ASTN2: variants seen among roughly 807,000 people sequenced by gnomAD.
The protein encoded by ASTN2 is astrotactin-2.
Under a neutral mutation model 139.8 loss-of-function variants are expected in ASTN2, and 54 were observed. The observed-to-expected ratio is 0.39, with a 90% confidence interval of 0.31 to 0.48. The LOEUF (loss-of-function observed/expected upper bound fraction) is 0.48. Among genes scored for constraint, ASTN2 ranks in the 20% least tolerant of loss-of-function variants. The pLI is 0.95. For missense variants in ASTN2, 1,565 were observed against 1,725.1 expected (o/e 0.91, Z 1.64); for synonymous variants, 756 against 719.5 (o/e 1.05, Z -0.81).
intron 2 of ASTN2, among the ~76,000 whole-genome samples, chr9:117,228,970 C>A (rs1318971094): frequency 6.6e-6 from 1 of 152,036 alleles, no homozygotes; most frequent in African/African-American, 2.4e-5. Flanking sequence ...TGCCACTGCA[C>A]TCCAGCCTGG....
chr9:117,037,294 A>G (rs766243427), intron 6 of ASTN2, among the ~76,000 whole-genome samples: 16 of 151,448 alleles, frequency 1.1e-4, no homozygotes, highest in Non-Finnish European at 1.9e-4. Flanking sequence ...TATCCTTCCA[A>G]ATCATCAAGA....
chr9:117,337,621 G>A (rs1828927544), intron 1 of ASTN2, among the ~76,000 whole-genome samples: 1 of 152,122 alleles, frequency 6.6e-6, no homozygotes, highest in Non-Finnish European at 1.5e-5. Context: ...CTGTGCATTT[G>A]TATAACTTCA....
At chr9:117,166,613 T>C (rs1023272724) in intron 3 of ASTN2, among the ~76,000 whole-genome samples, 1 of 152,068 alleles carries the variant, frequency 6.6e-6, no homozygotes, top group African/African-American at 2.4e-5. Flanking sequence ...CTTCAAATAC[T>C]TCCTATTCCT....
chr9:117,365,681 A>G (rs538241571), intron 1 of ASTN2, among the ~76,000 whole-genome samples: 1 of 152,320 alleles, frequency 6.6e-6, no homozygotes, highest in East Asian at 1.9e-4. Flanking sequence ...CATAAAGGAG[A>G]GGAATCAGAA....
chr9:117,361,169 A>T (rs547942253), intron 1 of ASTN2, among the ~76,000 whole-genome samples: 120 of 152,302 alleles, frequency 7.9e-4, no homozygotes, highest in Middle Eastern at 6.8e-3. Context: ...AACATTTTTT[A>T]AAAAACAGCC....
intron 2 of ASTN2, among the ~76,000 whole-genome samples, chr9:117,271,466 T>C (rs1220644156): frequency 6.6e-6 from 1 of 152,164 alleles, no homozygotes; most frequent in Non-Finnish European, 1.5e-5. Flanking sequence ...CCAAATCTCA[T>C]GTCCTTACAT....
intron 20 of ASTN2, among the ~76,000 whole-genome samples, chr9:116,461,463 T>G (rs372054854): frequency 7.2e-5 from 11 of 152,276 alleles, no homozygotes; most frequent in African/African-American, 2.4e-4. Context: ...CTTGTTTATA[T>G]GTACACACAT....
chr9:117,365,291 TAGAAAGAAAAAGAA>T (rs1305074670), intron 1 of ASTN2, among the ~76,000 whole-genome samples: 68 of 101,196 alleles, frequency 6.7e-4, no homozygotes, highest in South Asian at 2.8e-3. Flanking sequence ...AAGAAAGAAA[TAGAAAGAAAAAGAA>T]AGAAAGAAAA....
At chr9:116,542,611 T>C (rs7024521) in intron 19 of ASTN2, among the ~76,000 whole-genome samples, 2 of 152,168 alleles carry the variant, frequency 1.3e-5, no homozygotes, top group Non-Finnish European at 2.9e-5. Context: ...GTCCCATCCA[T>C]CAAAATGTTG....
intron 16 of ASTN2, among the ~76,000 whole-genome samples, chr9:116,685,619 T>A (rs1251581405): frequency 2.0e-5 from 3 of 152,220 alleles, no homozygotes; most frequent in Non-Finnish European, 4.4e-5. Context: ...GGAATTCTAA[T>A]ATTGTGCCAG....
At chr9:116,558,213 G>A (rs914332363) in intron 19 of ASTN2, among the ~76,000 whole-genome samples, 2 of 152,120 alleles carry the variant, frequency 1.3e-5, no homozygotes, top group African/African-American at 4.8e-5. Context: ...ACAAGCTGGA[G>A]ACTTTCAGAT....
intron 10 of ASTN2, among the ~76,000 whole-genome samples, chr9:116,879,226 C>T (rs1450093757): frequency 6.6e-6 from 1 of 152,124 alleles, no homozygotes; most frequent in Non-Finnish European, 1.5e-5. Context: ...TCTCTAAGGG[C>T]TCTTCCAGCT....
intron 3 of ASTN2, among the ~76,000 whole-genome samples, chr9:117,189,121 C>T (rs535898700): frequency 4.6e-5 from 7 of 152,132 alleles, no homozygotes; most frequent in African/African-American, 1.7e-4. Context: ...TAAAAGGACA[C>T]AAAAAAGGTG....
At chr9:117,350,270 C>T (rs919902125) in intron 1 of ASTN2, among the ~76,000 whole-genome samples, 10 of 152,266 alleles carry the variant, frequency 6.6e-5, no homozygotes, top group South Asian at 2.1e-4. Context: ...AAAAACAAGG[C>T]TGGCACAGTG....
chr9:116,660,669 T>TG (rs1233097172), intron 16 of ASTN2, among the ~76,000 whole-genome samples: 2 of 152,168 alleles, frequency 1.3e-5, no homozygotes, highest in Admixed American at 1.3e-4. Flanking sequence ...GAAACCTGCC[T>TG]GATGCTTTAA....
chr9:117,015,711 T>G (rs1837654832), intron 6 of ASTN2, among the ~76,000 whole-genome samples: 1 of 152,178 alleles, frequency 6.6e-6, no homozygotes, highest in South Asian at 2.1e-4. Flanking sequence ...GCTGAGATGT[T>G]CCAGTGGTTA....
chr9:117,259,299 A>C (rs1371107675), intron 2 of ASTN2, among the ~76,000 whole-genome samples: 1 of 152,162 alleles, frequency 6.6e-6, no homozygotes, highest in Non-Finnish European at 1.5e-5. Flanking sequence ...CCAATGTATA[A>C]GCCAAAAATA....
chr9:116,951,828 T>TA (rs150268838), intron 10 of ASTN2, among the ~76,000 whole-genome samples: 7,335 of 152,268 alleles, frequency 0.048, 580 homozygotes, highest in African/African-American at 0.16. Context: ...CATTGCATTT[T>TA]AAAAAATCCC....
chr9:116,766,138 G>C (rs1353592909), intron 13 of ASTN2, among the ~76,000 whole-genome samples: 1 of 152,012 alleles, frequency 6.6e-6, no homozygotes, highest in Non-Finnish European at 1.5e-5. Flanking sequence ...TAAAGATCCC[G>C]GGATAGGGCA....
Sources: gnomAD v4.1 joint callset for allele counts (sites outside exome capture counted in the v4.1 genomes callset) on GRCh38, gnomAD v4.1.1 for gene constraint, MANE v1.5 for transcripts, NCBI Gene and HGNC (gene_info 2026-07-23, HGNC 2026-07-21) for gene names.